Variants in LRRC4C observed in about 807,000 individuals in gnomAD.
LRRC4C encodes leucine rich repeat containing 4C, also known as leucine-rich repeat-containing protein 4C.
LRRC4C carries 5 observed loss-of-function variants against 33.6 expected under a neutral mutation model. That is an observed-to-expected ratio of 0.15 (90% CI 0.08 to 0.31). The LOEUF is 0.31. LRRC4C is among the 10% of genes least tolerant of loss of function. The probability of loss-of-function intolerance (pLI) is 1.00; values close to 1 mark genes in which losing one functional copy is unlikely to be tolerated. For synonymous variants in LRRC4C, 329 were observed against 302.0 expected (o/e 1.09, Z -0.93); for missense variants, 560 against 796.7 (o/e 0.70, Z 3.58).
intron 1 of LRRC4C, among the ~76,000 whole-genome samples, chr11:41,436,998 C>A (rs1004560162): frequency 6.6e-6 from 1 of 152,180 alleles, no homozygotes; most frequent in African/African-American, 2.4e-5. Context: ...ATGTGACCTG[C>A]AAACTTTTTG....
At chr11:40,390,886 T>C (rs1425660564) in intron 3 of LRRC4C, among the ~76,000 whole-genome samples, 2 of 152,116 alleles carry the variant, frequency 1.3e-5, no homozygotes. Flanking sequence ...TGTTTTGTTT[T>C]GTTTTTTGTT....
At chr11:40,936,917 A>C (rs1049836480) in intron 1 of LRRC4C, among the ~76,000 whole-genome samples, 1 of 152,188 alleles carries the variant, frequency 6.6e-6, no homozygotes, top group Non-Finnish European at 1.5e-5. Flanking sequence ...CAGCGTTCCA[A>C]GAAGGCAATC....
At chr11:40,295,624 T>C (rs558063746) in intron 4 of LRRC4C, among the ~76,000 whole-genome samples, 94 of 152,346 alleles carry the variant, frequency 6.2e-4, no homozygotes, top group Non-Finnish European at 1.1e-3. Flanking sequence ...TCATCTGTAA[T>C]GTTCTTTGCA....
intron 1 of LRRC4C, among the ~76,000 whole-genome samples, chr11:40,999,655 AT>A (rs146330865): frequency 2.2e-4 from 33 of 152,080 alleles, no homozygotes; most frequent in Middle Eastern, 3.4e-3. Context: ...TCAGATCAAT[AT>A]TTTTTTTAAA....
chr11:40,154,096 C>T (rs1858455363), intron 5 of LRRC4C, among the ~76,000 whole-genome samples: 2 of 152,022 alleles, frequency 1.3e-5, no homozygotes. Context: ...CAGCATAAAC[C>T]CTGCAAGCTA....
intron 2 of LRRC4C, among the ~76,000 whole-genome samples, chr11:40,788,966 G>C (rs1027511281): frequency 6.6e-6 from 1 of 151,864 alleles, no homozygotes; most frequent in Non-Finnish European, 1.5e-5. Flanking sequence ...GGTAGCGGGC[G>C]CCTGTAGTCC....
At chr11:40,423,225 T>G (rs1950583822) in intron 3 of LRRC4C, among the ~76,000 whole-genome samples, 1 of 152,134 alleles carries the variant, frequency 6.6e-6, no homozygotes, top group African/African-American at 2.4e-5. Flanking sequence ...TAAACTTAAA[T>G]GTGCATCATG....
chr11:40,223,805 C>G (rs557869451), intron 5 of LRRC4C, among the ~76,000 whole-genome samples: 1 of 152,178 alleles, frequency 6.6e-6, no homozygotes, highest in African/African-American at 2.4e-5. Context: ...CTTTCCAAGA[C>G]CTTCCATTCA....
chr11:40,803,645 G>C (rs376218229), intron 2 of LRRC4C, among the ~76,000 whole-genome samples: 2 of 151,476 alleles, frequency 1.3e-5, no homozygotes, highest in Admixed American at 6.6e-5. Context: ...AAAGAGTCTC[G>C]CTCTGTCACC....
At chr11:41,362,070 C>T (rs1952373862) in intron 1 of LRRC4C, among the ~76,000 whole-genome samples, 1 of 152,150 alleles carries the variant, frequency 6.6e-6, no homozygotes, top group African/African-American at 2.4e-5. Context: ...GCAGTTTAAT[C>T]TAAAGTGAAG....
chr11:40,119,707 G>T (rs1043015803), intron 6 of LRRC4C, among the ~76,000 whole-genome samples: 1 of 152,000 alleles, frequency 6.6e-6, no homozygotes, highest in Non-Finnish European at 1.5e-5. Flanking sequence ...TCTAACATTT[G>T]AGGCCTTGCT....
In LRRC4C at chr11:40,169,581, T is replaced by G. The variant is rs144960012; in HGVS notation, c.-95-28728A>C. Among the ~76,000 whole-genome samples the G allele has an allele frequency of 3.5e-4, 54 of 152,280 alleles. No individual in the cohort carries two copies. The East Asian group carries it at 9.9e-3, about 28-fold the overall frequency. On this transcript the variant is annotated intron_variant, in intron 5 of 6. Transcript: ENST00000528697. ...ACTATATATATGCACAGATTTGCAA[T>G]ATAATACTTTGATTTCATAACACCT... is the stretch of plus-strand genomic sequence containing the variant.
chr11:40,162,102 C>A, intron 5 of LRRC4C, among the ~76,000 whole-genome samples: 1 of 151,618 alleles, frequency 6.6e-6, no homozygotes, highest in Admixed American at 6.6e-5. Context: ...ATAGTTCCAA[C>A]GATTCAACTT....
chr11:40,770,427 G>A (rs904311040), intron 2 of LRRC4C, among the ~76,000 whole-genome samples: 2 of 152,216 alleles, frequency 1.3e-5, no homozygotes, highest in South Asian at 2.1e-4. Context: ...TTGCAATTCC[G>A]ATTACAATTC....
chr11:40,870,413 T>C (rs2135933591), intron 2 of LRRC4C, among the ~76,000 whole-genome samples: 1 of 152,228 alleles, frequency 6.6e-6, no homozygotes, highest in Non-Finnish European at 1.5e-5. Context: ...GGGATCTATT[T>C]TGAATACAAG....
chr11:41,256,092 T>C (rs1272245566), intron 1 of LRRC4C, among the ~76,000 whole-genome samples: 1 of 152,036 alleles, frequency 6.6e-6, no homozygotes, highest in East Asian at 1.9e-4. Flanking sequence ...TTCCAAATGG[T>C]AGTTTAACAG....
intron 1 of LRRC4C, among the ~76,000 whole-genome samples, chr11:41,432,463 T>C (rs1486521378): frequency 6.6e-6 from 1 of 152,158 alleles, no homozygotes; most frequent in Non-Finnish European, 1.5e-5. Context: ...GAAAAAAGGA[T>C]GCCAGTGTCA....
At chr11:40,293,919 T>G (rs929182490) in intron 4 of LRRC4C, 2 of 152,296 alleles carry the variant, frequency 1.3e-5, no homozygotes, top group African/African-American at 4.8e-5. Flanking sequence ...TCCACTTCGG[T>G]TTGAACTCTC....
chr11:40,688,305 C>T (rs933147453), intron 2 of LRRC4C, among the ~76,000 whole-genome samples: 1 of 152,062 alleles, frequency 6.6e-6, no homozygotes, highest in African/African-American at 2.4e-5. Context: ...TTTCAAGATC[C>T]TCCCTTGTTA....
Sources: gnomAD v4.1 joint callset for allele counts (sites outside exome capture counted in the v4.1 genomes callset) on GRCh38, gnomAD v4.1.1 for gene constraint, MANE v1.5 for transcripts, NCBI Gene and HGNC (gene_info 2026-07-23, HGNC 2026-07-21) for gene names.